Variants in GFRA1 observed in about 807,000 individuals in gnomAD.
GFRA1 encodes GDNF family receptor alpha 1, also known as GDNF family receptor alpha-1.
In GFRA1, 16 loss-of-function variants were observed where a neutral mutation model predicts 51.6. That is an observed-to-expected ratio of 0.31 (90% CI 0.21 to 0.47). The LOEUF (loss-of-function observed/expected upper bound fraction) is 0.47, where lower values mean the gene tolerates loss of function less well. Among genes scored for constraint, GFRA1 ranks in the 20% least tolerant of loss-of-function variants. The pLI, the probability that GFRA1 is intolerant of heterozygous loss-of-function variation, is 1.00. For missense variants in GFRA1, 530 were observed against 594.3 expected (o/e 0.89, Z 1.13); for synonymous variants, 270 against 241.3 (o/e 1.12, Z -1.10).
chr10:116,220,262 C>T (rs920794017), intron 4 of GFRA1, among the ~76,000 whole-genome samples: 15 of 152,154 alleles, frequency 9.9e-5, no homozygotes, highest in African/African-American at 3.6e-4. Flanking sequence ...TTTCTATTAC[C>T]TTTTTGAATC....
In GFRA1 at chr10:116,093,707, C is replaced by T; in HGVS notation, c.1010G>A (p.Cys337Tyr). ...CTTATTTTTTACAAACTCACTAAGA[C>T]ATGTATTGTCCTTGAAGAAATTCAA... ...KFLNFFKDNT[C>Y]LKNAIQAFGN... The change falls in exon 8 of 11, where the codon TGT becomes TAT. Residue 337 changes from cysteine to tyrosine, a missense_variant. Physicochemically the swap from Cys to Tyr is radical, Grantham distance 194. Coordinates refer to ENST00000355422, the MANE Select transcript of GFRA1 (RefSeq NM_005264.8). 1 of 1,613,816 alleles carries T rather than the reference C, an allele frequency of 6.2e-7. No individual in the cohort carries two copies. The highest frequency in any genetic ancestry group is 8.5e-7 in the Non-Finnish European group (1 of 1,179,692).
At chr10:116,167,994 G>A (rs1036758004) in intron 5 of GFRA1, among the ~76,000 whole-genome samples, 1 of 152,082 alleles carries the variant, frequency 6.6e-6, no homozygotes, top group Non-Finnish European at 1.5e-5. Context: ...ATTGGGTACG[G>A]TGTACACTGC....
chr10:116,159,418 T>C (rs1264576376), intron 5 of GFRA1, among the ~76,000 whole-genome samples: 3 of 152,198 alleles, frequency 2.0e-5, no homozygotes, highest in African/African-American at 4.8e-5. Context: ...TATGCTACCA[T>C]GTAGTGGATC....
At chr10:116,254,508 T>TA (rs11447649) in intron 4 of GFRA1, among the ~76,000 whole-genome samples, 57,641 of 145,600 alleles carry the variant, frequency 0.4, 12,199 homozygotes, top group African/African-American at 0.59. Flanking sequence ...CTGACTCTAT[T>TA]AAAAAAAAAA....
chr10:116,079,865 T>C (rs1955776226), intron 9 of GFRA1, among the ~76,000 whole-genome samples: 1 of 152,156 alleles, frequency 6.6e-6, no homozygotes. Context: ...AGCAAGTGAC[T>C]TCTCATGAAG....
intron 9 of GFRA1, among the ~76,000 whole-genome samples, chr10:116,067,973 G>C (rs1241316063): frequency 6.6e-6 from 1 of 152,204 alleles, no homozygotes; most frequent in Non-Finnish European, 1.5e-5. Flanking sequence ...TAAAGGAAAA[G>C]CTCAGTTTCT....
At chr10:116,171,499 G>C (rs567460153) in intron 5 of GFRA1, among the ~76,000 whole-genome samples, 10 of 152,272 alleles carry the variant, frequency 6.6e-5, no homozygotes, top group South Asian at 4.1e-4. Flanking sequence ...TCTGCTATTA[G>C]TTATTAAATT....
At position 116,060,374 on chromosome 10, in the gene GFRA1, T is replaced by C. The variant is rs73381013; in HGVS notation, c.*4024A>G. 1 of 152,210 alleles carries C rather than the reference T, an allele frequency of 6.6e-6. No homozygotes were observed. The highest frequency in any genetic ancestry group is 2.4e-5 in the African/African-American group (1 of 41,456). 9.4% of individuals were successfully genotyped at this position (152,210 alleles called of 1,614,324 possible). On this transcript the variant is annotated 3_prime_UTR_variant, in exon 11 of 11. Coordinates refer to ENST00000355422, the MANE Select transcript of GFRA1 (RefSeq NM_005264.8). The stretch of plus-strand genomic sequence containing the variant: ...CTGTCGTTCGGATATTATCAATAGC[T>C]CTGGCTTCCTGTCTCTAAAGAACTT...
rs1453938312 is a variant in GFRA1, at chr10:116,063,395, T to TTGA, written c.*1000_*1002dup. On this transcript the variant is annotated 3_prime_UTR_variant, in exon 11 of 11. Coordinates refer to ENST00000355422, the MANE Select transcript of GFRA1 (RefSeq NM_005264.8). ...GCACGAGGCTTCTCAGAGTCTGCTT[T>TTGA]TGATGAGCTGTATTTGTGAAGTTCA... The TTGA allele has an allele frequency of 6.6e-6, 1 of 152,244 alleles. No homozygotes were observed. The highest frequency in any genetic ancestry group is 1.5e-5 in the Non-Finnish European group (1 of 68,058). The allele number at this position is 152,244 out of a possible 1,614,324, so 9.4% of individuals were successfully genotyped here. A position where few individuals can be genotyped will look rare whatever the true frequency, so the allele number is the denominator to read the frequency against.
chr10:116,058,260 T>G lies in GFRA1; in HGVS notation c.*6138A>C. On this transcript the variant is annotated 3_prime_UTR_variant, in exon 11 of 11. Coordinates refer to ENST00000355422, the MANE Select transcript of GFRA1 (RefSeq NM_005264.8). ...CTAGTCTTAGGATCTGTGTTATGCT[T>G]GCAGGTGTCAGGGGTCAATGTGCAC... 1 of 152,272 alleles carries G rather than the reference T, an allele frequency of 6.6e-6. No individual in the cohort carries two copies. Among genetic ancestry groups the G allele is most frequent in the Non-Finnish European group, 1.5e-5 (1 of 68,088 alleles). 9.4% of individuals were successfully genotyped at this position (152,272 alleles called of 1,614,324 possible).
intron 2 of GFRA1, among the ~76,000 whole-genome samples, 153 bp downstream of exon 2, chr10:116,271,837 G>T (rs1362216): frequency 0.18 from 28,113 of 152,120 alleles, 3,846 homozygotes; most frequent in African/African-American, 0.38. Context: ...CTAACCCGGG[G>T]ATTCGCGATC....
At chr10:116,162,208 G>A (rs371638106) in intron 5 of GFRA1, among the ~76,000 whole-genome samples, 1 of 152,216 alleles carries the variant, frequency 6.6e-6, no homozygotes, top group South Asian at 2.1e-4. Context: ...AGGCAGCGGA[G>A]CCAGGCCTGA....
In GFRA1 at chr10:116,272,205, C is replaced by T. The variant is rs1303392546; in HGVS notation, c.-176G>A. On this transcript the variant is annotated 5_prime_UTR_variant, in exon 2 of 11. Coordinates refer to ENST00000355422, the MANE Select transcript of GFRA1 (RefSeq NM_005264.8). This position sits in a 1 kb window ranked among gnomAD's most constrained non-coding sequence, Gnocchi z 4.4. ...CCGGGTCTGGCAGCAGCCACCGCCGCCGGCGACTCAGCTCCGGGATGGCGA... is the reference window on the plus strand; with the variant it reads ...CCGGGTCTGGCAGCAGCCACCGCCGTCGGCGACTCAGCTCCGGGATGGCGA... The T allele has an allele frequency of 3.2e-5, 21 of 658,580 alleles. No individual in the cohort carries two copies. The allele number at this position is 658,580 out of a possible 1,614,324, so 40.8% of individuals were successfully genotyped here. A position where few individuals can be genotyped will look rare whatever the true frequency, so the allele number is the denominator to read the frequency against.
At chr10:116,126,416 G>A (rs1048996634) in intron 5 of GFRA1, among the ~76,000 whole-genome samples, 2 of 152,374 alleles carry the variant, frequency 1.3e-5, no homozygotes, top group African/African-American at 2.4e-5. Flanking sequence ...TGTCTGCAGC[G>A]AGAGCATGGT....
At chr10:116,269,840 CCA>C (rs1192054768) in intron 3 of GFRA1, among the ~76,000 whole-genome samples, 1 of 152,064 alleles carries the variant, frequency 6.6e-6, no homozygotes, top group Non-Finnish European at 1.5e-5. Flanking sequence ...GAAAACTCTC[CCA>C]CTCTTTGCAA....
intron 5 of GFRA1, among the ~76,000 whole-genome samples, chr10:116,209,599 G>C (rs1456191912): frequency 6.6e-6 from 1 of 151,996 alleles, no homozygotes; most frequent in East Asian, 1.9e-4. Context: ...TTGAAGCTAA[G>C]TCGTTTTCTG....
intron 5 of GFRA1, among the ~76,000 whole-genome samples, chr10:116,174,524 C>A (rs905565536): frequency 2.0e-5 from 3 of 152,314 alleles, no homozygotes; most frequent in Non-Finnish European, 4.4e-5. Context: ...CTTTATAAAA[C>A]TCCATAATGA....
chr10:116,078,901 T>C (rs1955731368), intron 9 of GFRA1, among the ~76,000 whole-genome samples: 1 of 152,128 alleles, frequency 6.6e-6, no homozygotes. Flanking sequence ...GGCTCAGCGT[T>C]GACATGTCTG....
intron 9 of GFRA1, among the ~76,000 whole-genome samples, chr10:116,078,644 C>T (rs771317192): frequency 3.3e-5 from 5 of 152,274 alleles, no homozygotes; most frequent in East Asian, 1.9e-4. Flanking sequence ...GAGACCATTA[C>T]GCAGAGAAAA....
Sources: gnomAD v4.1 joint callset for allele counts (sites outside exome capture counted in the v4.1 genomes callset) on GRCh38, gnomAD v4.1.1 for gene constraint, Gnocchi (gnomAD v3.1) non-coding constraint, MANE v1.5 for transcripts, NCBI Gene and HGNC (gene_info 2026-07-23, HGNC 2026-07-21) for gene names.